The following DCC variants were observed in gnomAD, a reference collection of about 807,000 sequenced individuals.
DCC encodes the protein DCC netrin 1 receptor, also known as netrin receptor DCC.
DCC carries 58 observed loss-of-function variants against 172.5 expected under a neutral mutation model. The ratio of observed to expected loss-of-function variants is 0.34; its 90% CI spans 0.27 to 0.42. The LOEUF (loss-of-function observed/expected upper bound fraction) is 0.42, where lower values mean the gene tolerates loss of function less well. Ranked by LOEUF, DCC falls within the 10% of genes least tolerant of loss-of-function variation. The pLI, the probability that DCC is intolerant of heterozygous loss-of-function variation, is 1.00. For missense variants in DCC, 1,740 were observed against 1,791.0 expected, an observed-to-expected ratio of 0.97 and a Z score of 0.51; for synonymous variants, 709 against 644.5, an observed-to-expected ratio of 1.10 and a Z score of -1.52.
intron 3 of DCC, among the ~76,000 whole-genome samples, chr18:52,909,120 C>A (rs2145454756): frequency 6.6e-6 from 1 of 152,290 alleles, no homozygotes; most frequent in African/African-American, 2.4e-5. Flanking sequence ...TGGCAAATCT[C>A]TGCTTCTCTT....
chr18:52,349,093 T>A (rs1325497309), intron 1 of DCC, among the ~76,000 whole-genome samples: 1 of 152,188 alleles, frequency 6.6e-6, no homozygotes, highest in Non-Finnish European at 1.5e-5. Flanking sequence ...ATTTCCAACA[T>A]GGTAAAATAC....
At chr18:52,697,972 G>T (rs1341880343) in intron 1 of DCC, among the ~76,000 whole-genome samples, 1 of 152,114 alleles carries the variant, frequency 6.6e-6, no homozygotes, top group Non-Finnish European at 1.5e-5. Flanking sequence ...TTACAATAAG[G>T]TCACCTATCT....
At chr18:53,426,350 A>T (rs1365509905) in intron 21 of DCC, among the ~76,000 whole-genome samples, 1 of 144,656 alleles carries the variant, frequency 6.9e-6, no homozygotes, top group Admixed American at 7.1e-5. Context: ...TATTTATAAT[A>T]TATTTTATGA....
intron 12 of DCC, among the ~76,000 whole-genome samples, chr18:53,292,404 C>G (rs900900538): frequency 6.6e-6 from 1 of 152,088 alleles, no homozygotes; most frequent in Non-Finnish European, 1.5e-5. Flanking sequence ...AAAACCACCT[C>G]AGCCAGGCAT....
chr18:53,495,389 C>CAAAAAAA (rs71179511), intron 26 of DCC, among the ~76,000 whole-genome samples: 1 of 116,726 alleles, frequency 8.6e-6, no homozygotes, highest in African/African-American at 3.4e-5. Context: ...GACTCCATCT[C>CAAAAAAA]AAAAAAAAAA....
At chr18:52,920,949 T>A (rs2040115543) in intron 3 of DCC, among the ~76,000 whole-genome samples, 1 of 152,162 alleles carries the variant, frequency 6.6e-6, no homozygotes. Context: ...ATGATTCTAG[T>A]GATATGACAT....
At chr18:53,036,782 T>G (rs2042099141) in intron 5 of DCC, among the ~76,000 whole-genome samples, 1 of 152,016 alleles carries the variant, frequency 6.6e-6, no homozygotes, top group Non-Finnish European at 1.5e-5. Flanking sequence ...AAGGAAGTGT[T>G]CAGAGTAGTT....
intron 1 of DCC, among the ~76,000 whole-genome samples, chr18:52,581,187 T>TTTATCTATCTATCTATCTATCTATCTATC (rs1555699057): frequency 3.4e-5 from 5 of 146,554 alleles, no homozygotes; most frequent in Non-Finnish European, 7.5e-5. Flanking sequence ...TCTATATATC[T>TTTATCTATCTATCTATCTATCTATCTATC]TATCTATCTA....
At chr18:52,535,534 T>C (rs1261468936) in intron 1 of DCC, among the ~76,000 whole-genome samples, 1 of 152,208 alleles carries the variant, frequency 6.6e-6, no homozygotes, top group Non-Finnish European at 1.5e-5. Context: ...GCAGACATTT[T>C]ATAACTAGAC....
At chr18:53,053,629 T>C (rs1420284626) in intron 5 of DCC, among the ~76,000 whole-genome samples, 1 of 152,188 alleles carries the variant, frequency 6.6e-6, no homozygotes, top group Non-Finnish European at 1.5e-5. Context: ...CAGAAACATT[T>C]ATTCTACGCT....
rs1159156084 is a variant in DCC at position 52,494,495 on chromosome 18, T to C, written c.91+153617T>C. On this transcript the variant is annotated intron_variant, in intron 1 of 28. Transcript: ENST00000442544. ...TAGATATTTATACTGTATTCCAACA[T>C]CTTTTATGTACTTTCCGATATTTTT... Among the ~76,000 whole-genome samples, 3 of 152,146 alleles carry C rather than the reference T, an allele frequency of 2.0e-5. 1 individual carries two copies. Among genetic ancestry groups the C allele is most frequent in the Admixed American group, 1.3e-4 (2 of 15,236 alleles).
intron 12 of DCC, among the ~76,000 whole-genome samples, chr18:53,236,585 T>C (rs2056206088): frequency 6.6e-6 from 1 of 152,118 alleles, no homozygotes; most frequent in African/African-American, 2.4e-5. Flanking sequence ...ATGCTGTCTT[T>C]TGATGAGCAG....
At chr18:53,464,185 T>G (rs2045591297) in intron 24 of DCC, among the ~76,000 whole-genome samples, 1 of 152,212 alleles carries the variant, frequency 6.6e-6, no homozygotes, top group South Asian at 2.1e-4. Context: ...GACTTACAAA[T>G]AGAATTTAGT....
intron 1 of DCC, among the ~76,000 whole-genome samples, chr18:52,446,527 C>G (rs1396598940): frequency 2.0e-5 from 3 of 152,124 alleles, no homozygotes; most frequent in Non-Finnish European, 2.9e-5. Context: ...TATATAAATG[C>G]ATTGGAATTG....
chr18:52,377,747 T>A (rs1341268721), intron 1 of DCC, among the ~76,000 whole-genome samples: 1 of 147,628 alleles, frequency 6.8e-6, no homozygotes, highest in African/African-American at 2.5e-5. Flanking sequence ...TTGCCCAGGA[T>A]AAAGGGTAAA....
chr18:53,375,191 G>C (rs542180314), intron 15 of DCC, among the ~76,000 whole-genome samples: 2 of 152,158 alleles, frequency 1.3e-5, no homozygotes, highest in Non-Finnish European at 2.9e-5. Flanking sequence ...AGGGACTCAG[G>C]TTCATATACT....
At position 53,435,083 on chromosome 18, in the gene DCC, C is replaced by T. The variant is rs779072732; in HGVS notation, c.3164-61C>T. Reference sequence around the variant, plus strand: ...TATTGTGTGTGTTAAAATATTTATTCTTTTTGTCTTCATTTTGTTTCATTT... The same window carrying T: ...TATTGTGTGTGTTAAAATATTTATTTTTTTTGTCTTCATTTTGTTTCATTT... On this transcript the variant is annotated intron_variant, in intron 21 of 28. Transcript: ENST00000442544. 8 of 1,244,884 alleles carry T rather than the reference C, an allele frequency of 6.4e-6. No individual in the cohort carries two copies. In the Middle Eastern group the frequency reaches 1.1e-3, roughly 175 times the overall value. The allele number at this position is 1,244,884 out of a possible 1,614,324, so 77.1% of individuals were successfully genotyped here.
intron 27 of DCC, among the ~76,000 whole-genome samples, chr18:53,516,248 T>C (rs1475015941): frequency 6.6e-6 from 1 of 150,612 alleles, no homozygotes; most frequent in South Asian, 2.1e-4. Context: ...GCTAGCCATA[T>C]GTAGAAAGCT....
At chr18:53,301,009 T>TTTCTTTCTTTC (rs2057133673) in intron 12 of DCC, among the ~76,000 whole-genome samples, 1 of 20,574 alleles carries the variant, frequency 4.9e-5, no homozygotes, top group African/African-American at 8.5e-5. Context: ...CTTTTCTTTC[T>TTTCTTTCTTTC]TTTCACTCTT....
Sources: allele counts gnomAD v4.1 joint callset (sites outside exome capture counted in the v4.1 genomes callset), GRCh38; gene constraint gnomAD v4.1.1; transcripts MANE v1.5; gene names NCBI Gene and HGNC (gene_info 2026-07-23, HGNC 2026-07-21).